The following OPA3 variants were observed in gnomAD, a reference collection of about 807,000 sequenced individuals.
The protein encoded by OPA3 is outer mitochondrial membrane lipid metabolism regulator OPA3.
OPA3 carries 6 observed loss-of-function variants against 4.0 expected under a neutral mutation model. The ratio of observed to expected loss-of-function variants is 1.51; its 90% CI spans 0.83 to 2.99. The LOEUF (loss-of-function observed/expected upper bound fraction) is 2.99. Among genes scored for constraint, OPA3 ranks in the 30% most tolerant of loss-of-function variants. The pLI is 0.00. For synonymous variants in OPA3, 105 were observed against 117.1 expected (o/e 0.90, Z 0.67); for missense variants, 235 against 256.2 (o/e 0.92, Z 0.56).
intron 1 of OPA3, 133 bp from the exon 2 acceptor site, chr19:45,554,044 C>T: frequency 1.4e-6 from 1 of 711,616 alleles, no homozygotes; most frequent in Non-Finnish European, 2.3e-6. Context: ...TTCTAGCGAG[C>T]AGCCAGGAAT....
At chr19:45,564,992 C>T (rs908396490) in intron 1 of OPA3, among the ~76,000 whole-genome samples, 12 of 150,872 alleles carry the variant, frequency 8.0e-5, no homozygotes, top group Non-Finnish European at 1.2e-4. Flanking sequence ...TTCGGGAGAC[C>T]GAGGTGGGCG....
At chr19:45,573,472 G>A (rs187426622) in intron 1 of OPA3, among the ~76,000 whole-genome samples, 20 of 152,086 alleles carry the variant, frequency 1.3e-4, no homozygotes, top group African/African-American at 4.3e-4. Context: ...CAAATAAAAT[G>A]AATAAATAAG....
rs566372930 is a variant in OPA3 at position 45,576,924 on chromosome 19, G to C, written c.142+7699C>G. On this transcript the variant is annotated intron_variant, in intron 1 of 1. Transcript: ENST00000263275. ...GGATAAGGATGTGGACATCTTTGGG[G>C]GACCAGTCACTCTACTGCCTACTGT... 2.6e-5 allele frequency among the ~76,000 whole-genome samples: 4 copies of C among 152,248 alleles called. No homozygotes were observed. In the South Asian group the frequency reaches 8.3e-4, roughly 32 times the overall value.
chr19:45,571,097 C>T (rs1969659663), intron 1 of OPA3, among the ~76,000 whole-genome samples: 1 of 150,930 alleles, frequency 6.6e-6, no homozygotes. Flanking sequence ...TATATGTTAG[C>T]GCTATACATG....
rs1203468828 is a variant in OPA3 at position 45,548,000 on chromosome 19, CTT to C, written c.*5512_*5513del. The C allele has an allele frequency of 1.1e-4, 64 of 598,058 alleles. No individual in the cohort carries two copies. The highest frequency in any genetic ancestry group is 1.3e-4 in the Non-Finnish European group (61 of 476,164). The allele number at this position is 598,058 out of a possible 1,614,324, so 37.0% of individuals were successfully genotyped here. A position where few individuals can be genotyped will look rare whatever the true frequency, so the allele number is the denominator to read the frequency against. The stretch of plus-strand genomic sequence containing the variant: ...GTGTGAGCCACCACGCCTGGCCACT[CTT>C]TCCTTCTTTATTGCCGGTCTCTGGC... On this transcript the variant is annotated 3_prime_UTR_variant, in exon 2 of 2. Transcript: ENST00000263275.
intron 1 of OPA3, among the ~76,000 whole-genome samples, chr19:45,572,200 G>T (rs1294415272): frequency 2.9e-5 from 4 of 138,652 alleles, no homozygotes; most frequent in Admixed American, 2.3e-4. Context: ...ATATATATGA[G>T]ATATATATAT....
intron 1 of OPA3, among the ~76,000 whole-genome samples, chr19:45,571,200 AT>A (rs886792300): frequency 9.2e-5 from 14 of 151,722 alleles, no homozygotes; most frequent in Non-Finnish European, 1.8e-4. Flanking sequence ...CTGGAGTGCA[AT>A]GGTGCGATCT....
At chr19:45,583,988 C>A (rs570119586) in intron 1 of OPA3, among the ~76,000 whole-genome samples, 4 of 152,256 alleles carry the variant, frequency 2.6e-5, no homozygotes, top group Admixed American at 1.3e-4. Context: ...GTCTGTCAAC[C>A]GAATGAAAGG....
chr19:45,533,470 A>G (rs1397099573), intron 1 of OPA3, among the ~76,000 whole-genome samples: 1 of 152,258 alleles, frequency 6.6e-6, no homozygotes, highest in East Asian at 1.9e-4. Context: ...CTGGGATTAC[A>G]TGCGTGAGCC....
At chr19:45,574,445 C>T (rs1416736610) in intron 1 of OPA3, among the ~76,000 whole-genome samples, 2 of 152,042 alleles carry the variant, frequency 1.3e-5, no homozygotes, top group Non-Finnish European at 2.9e-5. Context: ...TGTATACCCC[C>T]TGTAGCCTGT....
intron 1 of OPA3, among the ~76,000 whole-genome samples, chr19:45,567,355 A>AG (rs1317625387): frequency 6.6e-6 from 1 of 151,580 alleles, no homozygotes; most frequent in Non-Finnish European, 1.5e-5. Context: ...AAAAAAAAAA[A>AG]AAAGAAGAAG....
intron 1 of OPA3, 113 bp from the exon 2 acceptor site, chr19:45,554,024 G>T: frequency 1.2e-6 from 1 of 808,310 alleles, no homozygotes. Flanking sequence ...TCTTTTAAAA[G>T]ACCAGATGAT....
Position 45,548,204 on chromosome 19 carries a change from T to C in OPA3, c.*5310A>G. On this transcript the variant is annotated 3_prime_UTR_variant, in exon 2 of 2. Transcript: ENST00000263275. ...CCACTGGGGGACCCAAGCCTGCCAC[T>C]CAGCAACACAGCGACCAGCCCAGGA... 1 of 985,972 alleles carries C rather than the reference T, an allele frequency of 1.0e-6. No homozygotes were observed. The highest frequency in any genetic ancestry group is 1.2e-6 in the Non-Finnish European group (1 of 830,312). 61.1% of individuals were successfully genotyped at this position (985,972 alleles called of 1,614,324 possible). A position where few individuals can be genotyped will look rare whatever the true frequency, so the allele number is the denominator to read the frequency against.
chr19:45,560,634 C>T (rs1969488730), intron 1 of OPA3, among the ~76,000 whole-genome samples: 1 of 152,172 alleles, frequency 6.6e-6, no homozygotes, highest in South Asian at 2.1e-4. Context: ...TGATATAGAC[C>T]CTTTCCTCGG....
chr19:45,566,149 A>T (rs1234318752), intron 1 of OPA3, among the ~76,000 whole-genome samples: 3 of 151,946 alleles, frequency 2.0e-5, no homozygotes, highest in Admixed American at 6.6e-5. Flanking sequence ...TCTTTTTTTT[A>T]TTATTATTAT....
chr19:45,569,750 C>T (rs1969634109), intron 1 of OPA3, among the ~76,000 whole-genome samples: 1 of 152,038 alleles, frequency 6.6e-6, no homozygotes, highest in Non-Finnish European at 1.5e-5. Flanking sequence ...GCATAGACTT[C>T]CTCCCTTATG....
chr19:45,549,937 T>A lies in OPA3; in HGVS notation c.*3577A>T, dbSNP rs946136123. 1.1e-6 allele frequency: 1 copy of A among 920,842 alleles called. No homozygotes were observed. Among genetic ancestry groups the A allele is most frequent in the African/African-American group, 1.8e-5 (1 of 55,814 alleles). The allele number at this position is 920,842 out of a possible 1,614,324, so 57.0% of individuals were successfully genotyped here. A position where few individuals can be genotyped will look rare whatever the true frequency, so the allele number is the denominator to read the frequency against. On this transcript the variant is annotated 3_prime_UTR_variant, in exon 2 of 2. Coordinates refer to ENST00000263275, the MANE Select transcript of OPA3 (RefSeq NM_025136.4). ...CTTTGGGAGGCCGAGGCGGGCGGAT[T>A]ACCTGAGGTCAGGAGTTCAAGATCA...
At chr19:45,541,956 G>C (rs1599953998), downstream of OPA3, among the ~76,000 whole-genome samples, 1 of 152,160 alleles carries the variant, frequency 6.6e-6, no homozygotes, top group East Asian at 1.9e-4. Context: ...CAGTGGTAGG[G>C]GGTGGTACCC....
rs1319160823 is a variant in OPA3 at position 45,550,673 on chromosome 19, T to C, written c.*2841A>G. 2 of 985,936 alleles carry C rather than the reference T, an allele frequency of 2.0e-6. No individual in the cohort carries two copies. The highest frequency in any genetic ancestry group is 2.3e-4 in the East Asian group (2 of 8,814). The allele number at this position is 985,936 out of a possible 1,614,324, so 61.1% of individuals were successfully genotyped here. A position where few individuals can be genotyped will look rare whatever the true frequency, so the allele number is the denominator to read the frequency against. ...CAGCTCATAGGGTGACTCTTGGGCC[T>C]CTCCCCATCAGAACCCTCCCAGTTT... On this transcript the variant is annotated 3_prime_UTR_variant, in exon 2 of 2. Coordinates refer to ENST00000263275, the MANE Select transcript of OPA3 (RefSeq NM_025136.4).
Sources: gnomAD v4.1 joint callset for allele counts (sites outside exome capture counted in the v4.1 genomes callset) on GRCh38, gnomAD v4.1.1 for gene constraint, MANE v1.5 for transcripts, NCBI Gene and HGNC (gene_info 2026-07-23, HGNC 2026-07-21) for gene names.